SLC35D1: variants seen among roughly 807,000 people sequenced by gnomAD.
SLC35D1 encodes solute carrier family 35 member D1, also known as nucleotide sugar transporter SLC35D1.
SLC35D1 carries 31 observed loss-of-function variants against 46.7 expected under a neutral mutation model. The observed-to-expected ratio is 0.66, with a 90% CI of 0.50 to 0.90. The LOEUF is 0.90. Among genes scored for constraint, SLC35D1 ranks in the 40% least tolerant of loss-of-function variants. The probability of loss-of-function intolerance (pLI) is 0.00; values close to 1 mark genes in which losing one functional copy is unlikely to be tolerated. For missense variants in SLC35D1, 397 were observed against 426.2 expected (o/e 0.93, Z 0.60); for synonymous variants, 195 against 164.6 (o/e 1.18, Z -1.41).
At chr1:67,023,476 A>G (rs1667852920) in intron 8 of SLC35D1, among the ~76,000 whole-genome samples, 1 of 138,254 alleles carries the variant, frequency 7.2e-6, no homozygotes, top group African/African-American at 2.8e-5. Flanking sequence ...GTCTGTCTAA[A>G]TCTTTTGCCA....
the SLC35D1 span, among the ~76,000 whole-genome samples, chr1:66,991,646 CTA>C: frequency 6.6e-6 from 1 of 152,222 alleles, no homozygotes; most frequent in South Asian, 2.1e-4. Context: ...GTCCTTCTAA[CTA>C]TTCCAGAACG....
chr1:67,039,562 C>T (rs993634747), intron 8 of SLC35D1, among the ~76,000 whole-genome samples: 2 of 149,812 alleles, frequency 1.3e-5, no homozygotes, highest in African/African-American at 2.4e-5. Flanking sequence ...TTATTTTACC[C>T]AAAAGGTAGG....
At chr1:67,029,896 G>GC (rs1553266729) in intron 8 of SLC35D1, among the ~76,000 whole-genome samples, 1 of 151,774 alleles carries the variant, frequency 6.6e-6, no homozygotes, top group Non-Finnish European at 1.5e-5. Context: ...TGTTTCCTGC[G>GC]CCCCACGCCC....
intron 8 of SLC35D1, among the ~76,000 whole-genome samples, chr1:67,025,149 T>G (rs1667891700): frequency 1.3e-5 from 2 of 152,142 alleles, no homozygotes; most frequent in African/African-American, 4.8e-5. Context: ...ATCATCACAT[T>G]TCAAAATAAG....
At chr1:67,024,394 C>T (rs1667875337) in intron 8 of SLC35D1, among the ~76,000 whole-genome samples, 1 of 152,158 alleles carries the variant, frequency 6.6e-6, no homozygotes, top group Non-Finnish European at 1.5e-5. Flanking sequence ...CTTCTCCTAT[C>T]TTTTCTTCTA....
At chr1:67,016,090 G>A (rs1667680098) in intron 10 of SLC35D1, among the ~76,000 whole-genome samples, 1 of 151,726 alleles carries the variant, frequency 6.6e-6, no homozygotes, top group South Asian at 2.1e-4. Flanking sequence ...TTAAAAAAAT[G>A]GTGCTTAACT....
At chr1:67,029,904 C>A (rs1667983791) in intron 8 of SLC35D1, among the ~76,000 whole-genome samples, 1 of 152,144 alleles carries the variant, frequency 6.6e-6, no homozygotes, top group African/African-American at 2.4e-5. Flanking sequence ...GCGCCCCACG[C>A]CCCAAGCTTT....
the SLC35D1 span, among the ~76,000 whole-genome samples, chr1:66,976,095 T>C: frequency 6.6e-6 from 1 of 151,920 alleles, no homozygotes; most frequent in Non-Finnish European, 1.5e-5. Flanking sequence ...CACCCCCTGC[T>C]GGGGTTCAAG....
the SLC35D1 span, among the ~76,000 whole-genome samples, chr1:66,984,162 G>GT: frequency 6.6e-6 from 1 of 152,202 alleles, no homozygotes; most frequent in South Asian, 2.1e-4. Context: ...GTTTTAGAAT[G>GT]TTGAAAACCT....
intron 10 of SLC35D1, among the ~76,000 whole-genome samples, chr1:67,015,896 T>C (rs1464298864): frequency 6.6e-6 from 1 of 152,202 alleles, no homozygotes; most frequent in Admixed American, 6.5e-5. Context: ...TCACGTTGAC[T>C]AATGATATCT....
chr1:67,030,746 T>G (rs932275988), intron 8 of SLC35D1, among the ~76,000 whole-genome samples: 1 of 152,182 alleles, frequency 6.6e-6, no homozygotes, highest in Non-Finnish European at 1.5e-5. Context: ...TTAAGTCCCA[T>G]GTGCCAGGCC....
At chr1:67,045,243 T>C (rs555795747) in intron 7 of SLC35D1, among the ~76,000 whole-genome samples, 1 of 152,366 alleles carries the variant, frequency 6.6e-6, no homozygotes, top group South Asian at 2.1e-4. Flanking sequence ...TCTCCCTGCC[T>C]TCTTAAAGTA....
chr1:66,987,024 A>G, the SLC35D1 span: 3 of 151,986 alleles, frequency 2.0e-5, no homozygotes, highest in African/African-American at 7.3e-5. Flanking sequence ...CTCTTACTAC[A>G]GAAATGTTTT....
the SLC35D1 span, among the ~76,000 whole-genome samples, chr1:66,993,804 G>T: frequency 3.2e-3 from 493 of 152,252 alleles, 2 homozygotes; most frequent in African/African-American, 0.011. Context: ...ATGTAAAAAT[G>T]GCTCAATAAA....
chr1:67,047,007 A>G (rs1356591286), intron 7 of SLC35D1, among the ~76,000 whole-genome samples: 1 of 152,164 alleles, frequency 6.6e-6, no homozygotes, highest in African/African-American at 2.4e-5. Flanking sequence ...CACTGCAGTG[A>G]ACACACTTTA....
At chr1:66,976,768 G>T in the SLC35D1 span, 1 of 1,429,638 alleles carries the variant, frequency 7.0e-7, no homozygotes. Context: ...TTTTTGCTAA[G>T]CTTTTCTAGA....
intron 8 of SLC35D1, among the ~76,000 whole-genome samples, chr1:67,038,420 C>A (rs1001321995): frequency 6.6e-6 from 1 of 151,966 alleles, no homozygotes; most frequent in African/African-American, 2.4e-5. Flanking sequence ...TACAGCGTAC[C>A]ACAGAACTAG....
intron 11 of SLC35D1, 130 bp downstream of exon 11, chr1:67,008,955 C>T: frequency 3.9e-6 from 2 of 518,194 alleles, no homozygotes; most frequent in Non-Finnish European, 7.2e-6. Context: ...AAATATGTAG[C>T]ACATAGAAGG....
At chr1:66,978,682 G>A in the SLC35D1 span, among the ~76,000 whole-genome samples, 2 of 151,988 alleles carry the variant, frequency 1.3e-5, no homozygotes, top group African/African-American at 2.4e-5. Flanking sequence ...ATGTTCACAC[G>A]TGAGCTACAT....
Sources: allele counts gnomAD v4.1 joint callset (sites outside exome capture counted in the v4.1 genomes callset), GRCh38; gene constraint gnomAD v4.1.1; transcripts MANE v1.5; gene names NCBI Gene and HGNC (gene_info 2026-07-23, HGNC 2026-07-21).